The following PPFIA1 variants were observed in gnomAD, a reference collection of about 807,000 sequenced individuals.
The protein encoded by PPFIA1 is liprin-alpha-1.
A neutral mutation model predicts 149.9 loss-of-function variants in PPFIA1; 25 were observed. The observed-to-expected ratio is 0.17, with a 90% CI of 0.12 to 0.23. The LOEUF is 0.23. PPFIA1 is among the 10% of genes least tolerant of loss of function. PPFIA1 has a pLI of 1.00. For missense variants in PPFIA1, 1,362 were observed against 1,506.5 expected (o/e 0.90, Z 1.59); for synonymous variants, 549 against 552.8 (o/e 0.99, Z 0.10).
intron 2 of PPFIA1, among the ~76,000 whole-genome samples, chr11:70,314,350 A>G (rs1256221321): frequency 2.6e-5 from 4 of 152,188 alleles, no homozygotes; most frequent in African/African-American, 9.6e-5. Flanking sequence ...CTGAAGACCG[A>G]GACAACCCAG....
chr11:70,378,739 A>C lies in PPFIA1; in HGVS notation c.3550+544A>C, dbSNP rs546887235. ...AAGGGAGGAAGGTGAACCTCCAAGAAGTCCCCAGTGGAGCGAGGCAGCTAT... is the reference window on the plus strand; with the variant it reads ...AAGGGAGGAAGGTGAACCTCCAAGACGTCCCCAGTGGAGCGAGGCAGCTAT... On this transcript the variant is annotated intron_variant, in intron 26 of 27. Coordinates refer to ENST00000253925, the MANE Select transcript of PPFIA1 (RefSeq NM_003626.5). Among the ~76,000 whole-genome samples, 12 of 152,354 alleles carry C rather than the reference A, an allele frequency of 7.9e-5. No homozygotes were observed. In the East Asian group the frequency reaches 2.3e-3, roughly 29 times the overall value.
At chr11:70,281,593 C>G (rs982047633) in intron 2 of PPFIA1, among the ~76,000 whole-genome samples, 2 of 152,180 alleles carry the variant, frequency 1.3e-5, no homozygotes, top group African/African-American at 4.8e-5. Context: ...ACTGTCAGGC[C>G]TGTACTTCTT....
intron 17 of PPFIA1, 130 bp from the exon 18 acceptor site, chr11:70,355,509 T>C: frequency 1.1e-6 from 1 of 890,328 alleles, no homozygotes; most frequent in Non-Finnish European, 1.7e-6. Context: ...GCCTTTATCA[T>C]GCATGATGCA....
Position 70,383,667 on chromosome 11 carries a change from C to T in PPFIA1, c.*677C>T, listed in dbSNP as rs1422417998. The stretch of plus-strand genomic sequence containing the variant: ...GTGGACTGAAAACACTATCACAACA[C>T]TATGAGAAGCCCCTAGCACTGGTTA... On this transcript the variant is annotated 3_prime_UTR_variant, in exon 28 of 28. Coordinates refer to ENST00000253925, the MANE Select transcript of PPFIA1 (RefSeq NM_003626.5). 2 of 153,574 alleles carry T rather than the reference C, an allele frequency of 1.3e-5. No individual in the cohort carries two copies. Among genetic ancestry groups the T allele is most frequent in the African/African-American group, 2.4e-5 (1 of 41,482 alleles). 9.5% of individuals were successfully genotyped at this position (153,574 alleles called of 1,614,324 possible).
At chr11:70,348,486 C>G (rs2055853714) in intron 16 of PPFIA1, 66 bp downstream of exon 16, 1 of 1,249,042 alleles carries the variant, frequency 8.0e-7, no homozygotes, top group Non-Finnish European at 1.1e-6. Context: ...TTGGACACTA[C>G]AAATCTACCC....
At chr11:70,332,121 C>T (rs768098552) in intron 9 of PPFIA1, 27 bp downstream of exon 9, 5 of 1,562,680 alleles carry the variant, frequency 3.2e-6, no homozygotes, top group East Asian at 2.3e-5. Context: ...CATTCTGGTT[C>T]GGCTGCCAGG....
chr11:70,354,292 A>G lies in PPFIA1; in HGVS notation c.2164-9A>G. The G allele has an allele frequency of 2.5e-6, 4 of 1,607,696 alleles. No individual in the cohort carries two copies. The East Asian group carries it at 9.0e-5, about 36-fold the overall frequency. On this transcript the variant is annotated splice_polypyrimidine_tract_variant and intron_variant, in intron 16 of 27. Transcript: ENST00000253925. ...TGTTAACTAACTTTGCACTTCTCTC[A>G]CCCCTCAGTTGCCACCTTCCAGAGA...
At chr11:70,277,060 A>ATATATATATATATTT in intron 2 of PPFIA1, among the ~76,000 whole-genome samples, 2 of 66,324 alleles carry the variant, frequency 3.0e-5, no homozygotes, top group African/African-American at 2.3e-4. Flanking sequence ...ATATATATAT[A>ATATATATATATATTT]TTTTTTTTTT....
rs148812015 is a variant in PPFIA1, at chr11:70,278,416, C to T, written c.264+5980C>T. Among the ~76,000 whole-genome samples, 513 of 152,236 alleles carry T rather than the reference C, an allele frequency of 3.4e-3. 4 individuals carry two copies. Among genetic ancestry groups the T allele is most frequent in the African/African-American group, 0.01 (428 of 41,528 alleles). ...ATTTCCTTGCACCATTTTGTAGCAG[C>T]GAATTCATTGTTTTTTTAGCTCGCT... On this transcript the variant is annotated intron_variant, in intron 2 of 27. Transcript: ENST00000253925.
At chr11:70,295,237 C>T (rs1296878508) in intron 2 of PPFIA1, among the ~76,000 whole-genome samples, 2 of 139,600 alleles carry the variant, frequency 1.4e-5, no homozygotes, top group African/African-American at 5.6e-5. Flanking sequence ...GAGGGGCTGA[C>T]CCCCCCACCT....
At chr11:70,368,315 A>T (rs7121012) in intron 21 of PPFIA1, among the ~76,000 whole-genome samples, 34,511 of 152,158 alleles carry the variant, frequency 0.23, 6,090 homozygotes, top group African/African-American at 0.49. Context: ...TGTTTAAATT[A>T]GAGAATTTGA....
chr11:70,361,315 A>T (rs113401637), intron 19 of PPFIA1, among the ~76,000 whole-genome samples: 3,682 of 152,296 alleles, frequency 0.024, 65 homozygotes, highest in Middle Eastern at 0.11. Flanking sequence ...ATGAAATGGC[A>T]TGGTATTTCC....
At position 70,335,620 on chromosome 11, in the gene PPFIA1, G is replaced by T; in HGVS notation, c.1354G>T (p.Asp452Tyr). The T allele has an allele frequency of 2.5e-6, 4 of 1,614,024 alleles. No individual in the cohort carries two copies. Among genetic ancestry groups the T allele is most frequent in the Non-Finnish European group, 3.4e-6 (4 of 1,179,938 alleles). ...EHNKRLSDTV[D>Y]KLLSESNERL... ...TAATAAACGTTTATCAGACACTGTT[G>T]ACAAGCTGCTTTCAGAATCTAATGA... The change falls in exon 11 of 28, where the codon GAC (aspartate) becomes TAC (tyrosine). Residue 452 changes from aspartate (D) to tyrosine (Y), a missense_variant. Asp to Tyr is a radical substitution (Grantham distance 160). Coordinates refer to ENST00000253925, the MANE Select transcript of PPFIA1 (RefSeq NM_003626.5).
chr11:70,336,597 C>T (rs2054996236), intron 11 of PPFIA1, among the ~76,000 whole-genome samples: 1 of 151,812 alleles, frequency 6.6e-6, no homozygotes, highest in Non-Finnish European at 1.5e-5. Context: ...TCAGCTGAAA[C>T]CAAATAAATA....
At chr11:70,382,641 G>A (rs2057754252) in intron 27 of PPFIA1, among the ~76,000 whole-genome samples, 1 of 152,188 alleles carries the variant, frequency 6.6e-6, no homozygotes, top group Non-Finnish European at 1.5e-5. Context: ...TTTCAGTTTG[G>A]AGAGACTGGT....
chr11:70,362,548 C>A, intron 21 of PPFIA1, 60 bp downstream of exon 21: 1 of 1,489,232 alleles, frequency 6.7e-7, no homozygotes, highest in East Asian at 2.3e-5. Context: ...CTGAAGGTAT[C>A]ACTGCCCTGT....
chr11:70,320,964 C>A (rs1282390505), intron 2 of PPFIA1, among the ~76,000 whole-genome samples: 4 of 152,140 alleles, frequency 2.6e-5, no homozygotes, highest in Admixed American at 1.3e-4. Context: ...GGACGGAGGC[C>A]TTGGAAGGCT....
At chr11:70,345,523 A>T (rs570340207) in intron 15 of PPFIA1, among the ~76,000 whole-genome samples, 2 of 152,268 alleles carry the variant, frequency 1.3e-5, no homozygotes, top group African/African-American at 4.8e-5. Context: ...AGATGACTCC[A>T]AGCCTTTGGG....
At chr11:70,354,717 CAT>C (rs1383001495) in intron 17 of PPFIA1, among the ~76,000 whole-genome samples, 1 of 151,940 alleles carries the variant, frequency 6.6e-6, no homozygotes, top group Non-Finnish European at 1.5e-5. Context: ...GGAAAAACTT[CAT>C]GTCTTCAGAG....
Sources: gnomAD v4.1 joint callset for allele counts (sites outside exome capture counted in the v4.1 genomes callset) on GRCh38, gnomAD v4.1.1 for gene constraint, MANE v1.5 for transcripts, NCBI Gene and HGNC (gene_info 2026-07-23, HGNC 2026-07-21) for gene names.